Variants in ERI1 observed in about 807,000 individuals in gnomAD.
The protein encoded by ERI1 is exoribonuclease 1, also known as 3'-5' exoribonuclease 1.
ERI1 carries 39 observed loss-of-function variants against 39.7 expected under a neutral mutation model. That is an observed-to-expected ratio of 0.98 (90% CI 0.76 to 1.28). The LOEUF is 1.28. Among genes scored for constraint, ERI1 ranks in the 50% most tolerant of loss-of-function variants. ERI1 has a pLI of 0.00. For synonymous variants in ERI1, 204 were observed against 149.6 expected (o/e 1.36, Z -2.65); for missense variants, 581 against 416.9 (o/e 1.39, Z -3.43).
Position 9,064,738 on chromosome 8 carries a change from GA to G in ERI1, n.299+44275del, listed in dbSNP as rs201266302. Among the ~76,000 whole-genome samples, 1,311 of 152,290 alleles carry G rather than the reference GA, an allele frequency of 8.6e-3. 14 individuals are homozygous for G. The highest frequency in any genetic ancestry group is 0.016 in the Admixed American group (250 of 15,304). On this transcript the variant is annotated intron_variant and non_coding_transcript_variant, in intron 3 of 3. Coordinates refer to the ERI1 transcript ENST00000518663. ...TTTTTCACGGACCAAAGAGCAGGAGGACAGGGGATTGATCTCCCAAGGGAGG... is the reference window on the plus strand; with the variant it reads ...TTTTTCACGGACCAAAGAGCAGGAGGCAGGGGATTGATCTCCCAAGGGAGG...
chr8:9,070,001 G>A (rs1033772241), intron 3 of ERI1, among the ~76,000 whole-genome samples: 11 of 152,184 alleles, frequency 7.2e-5, no homozygotes, highest in Non-Finnish European at 1.3e-4. Context: ...CACTTTGGGA[G>A]GCTGAGGTGG....
chr8:9,095,656 G>A (rs959228623), intron 3 of ERI1, among the ~76,000 whole-genome samples: 1 of 152,056 alleles, frequency 6.6e-6, no homozygotes, highest in Non-Finnish European at 1.5e-5. Flanking sequence ...GAGTAGCTGG[G>A]ACTACAGGCA....
intron 2 of ERI1, among the ~76,000 whole-genome samples, chr8:9,009,694 C>T (rs1372383498): frequency 2.6e-5 from 4 of 152,150 alleles, no homozygotes; most frequent in African/African-American, 9.7e-5. Flanking sequence ...CATGCACCAC[C>T]ATGCCTGGCT....
chr8:9,024,673 C>G (rs545021498), intron 6 of ERI1, among the ~76,000 whole-genome samples: 28 of 152,274 alleles, frequency 1.8e-4, no homozygotes, highest in Non-Finnish European at 2.4e-4. Flanking sequence ...ATCTGCCCCC[C>G]CTCGGCCTCC....
At chr8:9,038,011 C>G (rs139623228), downstream of ERI1, among the ~76,000 whole-genome samples, 2 of 151,480 alleles carry the variant, frequency 1.3e-5, no homozygotes, top group African/African-American at 2.4e-5. Flanking sequence ...CTCCCTAATA[C>G]TTGAAAAAAA....
chr8:9,055,921 A>T (rs1563361414), intron 3 of ERI1, among the ~76,000 whole-genome samples: 1 of 152,190 alleles, frequency 6.6e-6, no homozygotes, highest in African/African-American at 2.4e-5. Context: ...GAGGAATACT[A>T]GTTTCTGTGG....
In ERI1 at chr8:9,015,739, A is replaced by AAAAAAAAG. The variant is rs10704637; in HGVS notation, c.499-581_499-580insAAAAAGAA. Among the ~76,000 whole-genome samples, 485 of 150,264 alleles carry AAAAAAAAG rather than the reference A, an allele frequency of 3.2e-3. 7 individuals carry two copies. The highest frequency in any genetic ancestry group is 0.012 in the African/African-American group (467 of 40,270). On this transcript the variant is annotated intron_variant, in intron 3 of 6. Transcript: ENST00000250263. The stretch of plus-strand genomic sequence containing the variant: ...TCTGTCTCCAAAAAAAAAAAAAAAA[A>AAAAAAAAG]AAGAGACCATCGTGAAAGCTTCTTG...
rs778935294 is a variant in ERI1, at chr8:9,003,084, A to G, written c.21A>G (p.Lys7=). The G allele has an allele frequency of 2.4e-4, 295 of 1,248,382 alleles. 1 individual carries two copies. The highest frequency in any genetic ancestry group is 4.5e-4 in the Middle Eastern group (2 of 4,458). The allele number at this position is 1,248,382 out of a possible 1,614,324, so 77.3% of individuals were successfully genotyped here. MEDPQS[K]EPAGEAVALA... is the part of the protein sequence containing the mutation. Reference sequence around the variant, plus strand: ...CCGGCATGGAGGATCCACAGAGTAAAGAGCCTGCCGGCGAGGCCGTGGCTC... The same window carrying G: ...CCGGCATGGAGGATCCACAGAGTAAGGAGCCTGCCGGCGAGGCCGTGGCTC... The change falls in exon 1 of 7, where the codon AAA becomes AAG. Residue 7 remains lysine, a synonymous_variant. Coordinates refer to ENST00000250263, the MANE Select transcript of ERI1 (RefSeq NM_153332.4).
chr8:9,016,848 G>A (rs564805540), intron 4 of ERI1, among the ~76,000 whole-genome samples: 8 of 151,644 alleles, frequency 5.3e-5, no homozygotes, highest in Non-Finnish European at 7.4e-5. Context: ...CACCACACCC[G>A]GCTAATTTTT....
intron 3 of ERI1, among the ~76,000 whole-genome samples, chr8:9,048,027 T>C (rs1437020882): frequency 6.6e-6 from 1 of 152,178 alleles, no homozygotes; most frequent in African/African-American, 2.4e-5. Flanking sequence ...AGCCAGTAAG[T>C]GGGAAAGCCA....
chr8:9,017,570 C>T (rs916538809), intron 4 of ERI1, among the ~76,000 whole-genome samples: 1 of 152,124 alleles, frequency 6.6e-6, no homozygotes, highest in Non-Finnish European at 1.5e-5. Context: ...ATGAAAAGGG[C>T]TTCCATATAT....
intron 3 of ERI1, among the ~76,000 whole-genome samples, chr8:9,056,624 G>A (rs911298161): frequency 4.1e-5 from 6 of 145,468 alleles, no homozygotes; most frequent in Admixed American, 1.5e-4. Context: ...CGAAGGGCTC[G>A]GTTTTCTAAA....
intron 3 of ERI1, among the ~76,000 whole-genome samples, chr8:9,073,200 G>A (rs1430851226): frequency 1.3e-5 from 2 of 152,184 alleles, no homozygotes; most frequent in Admixed American, 6.5e-5. Context: ...TTTTGGAAGC[G>A]CAGTGAATCA....
chr8:9,081,706 T>G (rs1473700091), intron 3 of ERI1, among the ~76,000 whole-genome samples: 5 of 149,966 alleles, frequency 3.3e-5, no homozygotes, highest in Non-Finnish European at 4.5e-5. Context: ...TTTTGGTTTT[T>G]GTTTGTTTGT....
At chr8:9,089,594 G>A (rs1799641711) in intron 3 of ERI1, among the ~76,000 whole-genome samples, 1 of 152,170 alleles carries the variant, frequency 6.6e-6, no homozygotes, top group African/African-American at 2.4e-5. Context: ...GGCTCTGAGT[G>A]GAGACTCCTG....
intron 3 of ERI1, among the ~76,000 whole-genome samples, chr8:9,056,256 C>G (rs1211944214): frequency 1.3e-5 from 2 of 152,216 alleles, no homozygotes; most frequent in African/African-American, 4.8e-5. Flanking sequence ...GGGGCACTCC[C>G]TGAAGTCAGA....
intron 3 of ERI1, among the ~76,000 whole-genome samples, chr8:9,069,872 A>G (rs138809660): frequency 5.4e-4 from 82 of 152,330 alleles, no homozygotes; most frequent in African/African-American, 1.8e-3. Context: ...TTGTAAGTCA[A>G]CAGAGGAATT....
At chr8:9,059,704 A>G (rs1158482259) in intron 3 of ERI1, among the ~76,000 whole-genome samples, 1 of 152,132 alleles carries the variant, frequency 6.6e-6, no homozygotes. Context: ...GCCAGCAAAG[A>G]TTATTTATTT....
chr8:9,030,163 T>G lies in ERI1; in HGVS notation c.*129T>G. On this transcript the variant is annotated 3_prime_UTR_variant, in exon 7 of 7. Transcript: ENST00000250263. ...ACATTTAAAATCTTATTACAGGTGA[T>G]AGAGATAGATACATGTATGTGAACA... 8.3e-7 allele frequency: 1 copy of G among 1,201,822 alleles called. No homozygotes were observed. The highest frequency in any genetic ancestry group is 1.5e-5 in the South Asian group (1 of 66,574). 74.4% of individuals were successfully genotyped at this position (1,201,822 alleles called of 1,614,324 possible). A position where few individuals can be genotyped will look rare whatever the true frequency, so the allele number is the denominator to read the frequency against.
Sources: gnomAD v4.1 joint callset for allele counts (sites outside exome capture counted in the v4.1 genomes callset) on GRCh38, gnomAD v4.1.1 for gene constraint, MANE v1.5 for transcripts, NCBI Gene and HGNC (gene_info 2026-07-23, HGNC 2026-07-21) for gene names.